Variants in RAP1GAP2 observed in about 807,000 individuals in gnomAD.
RAP1GAP2 encodes RAP1 GTPase activating protein 2.
RAP1GAP2 carries 27 observed loss-of-function variants against 95.0 expected under a neutral mutation model. The observed-to-expected ratio is 0.28, with a 90% CI of 0.21 to 0.39. RAP1GAP2 has a LOEUF of 0.39. Among genes scored for constraint, RAP1GAP2 ranks in the 10% least tolerant of loss-of-function variants. The pLI is 1.00. For synonymous variants in RAP1GAP2, 373 were observed against 380.9 expected, an observed-to-expected ratio of 0.98 and a Z score of 0.24; for missense variants, 771 against 970.0, an observed-to-expected ratio of 0.79 and a Z score of 2.72.
intron 2 of RAP1GAP2, among the ~76,000 whole-genome samples, chr17:2,831,814 G>A (rs973374911): frequency 5.9e-5 from 9 of 152,096 alleles, no homozygotes; most frequent in African/African-American, 2.2e-4. Flanking sequence ...AGGATCCCTT[G>A]AGCCCAGGAG....
upstream of RAP1GAP2, among the ~76,000 whole-genome samples, chr17:2,773,831 C>T (rs1298869967): frequency 1.3e-5 from 2 of 151,874 alleles, no homozygotes; most frequent in Admixed American, 6.6e-5. Context: ...CATCTCAGCT[C>T]ACTGCAACCT....
chr17:2,896,648 G>A (rs1406005934), intron 2 of RAP1GAP2, among the ~76,000 whole-genome samples: 5 of 152,184 alleles, frequency 3.3e-5, no homozygotes, highest in Non-Finnish European at 7.3e-5. Flanking sequence ...TGTGCACGAG[G>A]GGGCCCCAGG....
At chr17:2,848,897 C>T (rs1444521448) in intron 2 of RAP1GAP2, among the ~76,000 whole-genome samples, 1 of 152,196 alleles carries the variant, frequency 6.6e-6, no homozygotes, top group Non-Finnish European at 1.5e-5. Context: ...CTTCCTGCCT[C>T]CCTCTTCCCC....
intron 2 of RAP1GAP2, among the ~76,000 whole-genome samples, chr17:2,812,002 A>T (rs1418369792): frequency 6.6e-6 from 1 of 152,188 alleles, no homozygotes; most frequent in African/African-American, 2.4e-5. Context: ...GGCATGAGTC[A>T]CTGCGCCTGG....
chr17:2,900,316 CTTG>C (rs1365914825), intron 2 of RAP1GAP2, among the ~76,000 whole-genome samples: 1 of 152,204 alleles, frequency 6.6e-6, no homozygotes, highest in Non-Finnish European at 1.5e-5. Flanking sequence ...GCCTTGGACT[CTTG>C]CTTCTGTCTC....
At chr17:2,990,171 G>A (rs973807649) in intron 11 of RAP1GAP2, among the ~76,000 whole-genome samples, 5 of 152,118 alleles carry the variant, frequency 3.3e-5, no homozygotes, top group Non-Finnish European at 5.9e-5. Flanking sequence ...CTCCTTTTGG[G>A]CCATTATGAA....
chr17:2,995,538 T>C (rs2045920782), intron 13 of RAP1GAP2, 72 bp downstream of exon 13: 2 of 1,583,898 alleles, frequency 1.3e-6, no homozygotes, highest in African/African-American at 2.7e-5. Flanking sequence ...TCTGACCTGC[T>C]AAGAGGCTGT....
Position 2,847,440 on chromosome 17 carries a change from A to C in RAP1GAP2, c.80+46890A>C, listed in dbSNP as rs538629774. ...GCTACCCAAAGCCCTAGTCGCCTGG[A>C]AATCTCACATAGTTGTAATTCGTCA... On this transcript the variant is annotated intron_variant, in intron 2 of 24. Transcript: ENST00000254695. Among the ~76,000 whole-genome samples, 53 of 152,328 alleles carry C rather than the reference A, an allele frequency of 3.5e-4. 1 individual carries two copies. The South Asian group carries it at 0.011, about 30-fold the overall frequency.
In RAP1GAP2 at chr17:2,912,698, C is replaced by T. The variant is rs140656702; in HGVS notation, c.165+7330C>T. ...GGAGAGTCACCTCTGGTCTCCACAT[C>T]GATTGTGTTTCTGTTGCCGCTCCGG... On this transcript the variant is annotated intron_variant, in intron 3 of 24. Transcript: ENST00000254695. Among the ~76,000 whole-genome samples the T allele has an allele frequency of 9.2e-5, 14 of 152,210 alleles. No individual in the cohort carries two copies. In the East Asian group the frequency reaches 1.5e-3, roughly 17 times the overall value.
chr17:3,030,177 TACAC>T (rs61671474), intron 22 of RAP1GAP2, among the ~76,000 whole-genome samples: 3 of 145,234 alleles, frequency 2.1e-5, no homozygotes, highest in South Asian at 2.1e-4. Context: ...ATATATATTA[TACAC>T]ACACACACAC....
chr17:2,866,421 C>T lies in RAP1GAP2; in HGVS notation c.81-38863C>T, dbSNP rs929883565. On this transcript the variant is annotated intron_variant, in intron 2 of 24. Transcript: ENST00000254695. This position sits in a 1 kb window ranked among gnomAD's most constrained non-coding sequence, Gnocchi z 4.0. ...CCCCTAGACTCAGGGCAGTTGGTAC[C>T]CCAGTTAGAATACAAAAACAGAGTC... 6.6e-6 allele frequency among the ~76,000 whole-genome samples: 1 copy of T among 152,074 alleles called. No homozygotes were observed. The highest frequency in any genetic ancestry group is 6.6e-5 in the Admixed American group (1 of 15,260).
intron 21 of RAP1GAP2, 89 bp downstream of exon 21, chr17:3,026,553 C>A: frequency 9.2e-7 from 1 of 1,087,106 alleles, no homozygotes; most frequent in Non-Finnish European, 1.3e-6. Flanking sequence ...TGGATCGAAG[C>A]CCATGTCAGT....
At chr17:2,969,209 A>G (rs1019185040) in intron 8 of RAP1GAP2, among the ~76,000 whole-genome samples, 1 of 102,168 alleles carries the variant, frequency 9.8e-6, no homozygotes, top group Admixed American at 1.1e-4. Context: ...TTCTGTATCT[A>G]ACTATCAGAC....
chr17:2,756,541 C>T (rs1369964428), intron 1 of RAP1GAP2, among the ~76,000 whole-genome samples: 1 of 152,184 alleles, frequency 6.6e-6, no homozygotes, highest in African/African-American at 2.4e-5. Flanking sequence ...TGCTTGGCGG[C>T]ACTTGGAGCT....
chr17:2,776,686 T>C (rs1224229557), upstream of RAP1GAP2, among the ~76,000 whole-genome samples: 1 of 149,758 alleles, frequency 6.7e-6, no homozygotes, highest in Non-Finnish European at 1.5e-5. Flanking sequence ...GGGCTCCGGC[T>C]GCGCGTGCGC....
chr17:3,015,576 T>C (rs191312117), intron 17 of RAP1GAP2, among the ~76,000 whole-genome samples: 5 of 152,178 alleles, frequency 3.3e-5, no homozygotes, highest in Non-Finnish European at 7.4e-5. Context: ...CCCAGCACTT[T>C]GGGAGGCTGA....
intron 1 of RAP1GAP2, among the ~76,000 whole-genome samples, chr17:2,786,956 T>TC: frequency 6.8e-6 from 1 of 146,544 alleles, no homozygotes; most frequent in South Asian, 2.2e-4. Context: ...CTTTTTTTTT[T>TC]TTTTTTTTTT....
At chr17:2,886,077 G>A (rs998563724) in intron 2 of RAP1GAP2, among the ~76,000 whole-genome samples, 18 of 151,422 alleles carry the variant, frequency 1.2e-4, no homozygotes, top group East Asian at 3.9e-4. Flanking sequence ...CCCACACCCC[G>A]TCCACTTTAC....
intron 2 of RAP1GAP2, among the ~76,000 whole-genome samples, chr17:2,891,179 A>G (rs1033935926): frequency 7.1e-5 from 10 of 140,162 alleles, no homozygotes; most frequent in Middle Eastern, 4.2e-3. Context: ...ACAGGGTCTC[A>G]CTCTGTCACC....
Sources: allele counts gnomAD v4.1 joint callset (sites outside exome capture counted in the v4.1 genomes callset), GRCh38; gene constraint gnomAD v4.1.1; non-coding constraint Gnocchi (gnomAD v3.1); transcripts MANE v1.5; gene names NCBI Gene and HGNC (gene_info 2026-07-23, HGNC 2026-07-21).